Variants in SORCS2 observed in about 807,000 individuals in gnomAD.
SORCS2 encodes VPS10 domain-containing receptor SorCS2.
In SORCS2, 100 loss-of-function variants were observed where a neutral mutation model predicts 141.6. The ratio of observed to expected loss-of-function variants is 0.71; its 90% confidence interval spans 0.60 to 0.83. The LOEUF (loss-of-function observed/expected upper bound fraction) is 0.83, where lower values mean the gene tolerates loss of function less well. SORCS2 is among the 40% of genes least tolerant of loss of function. The probability of loss-of-function intolerance (pLI) is 0.00; values close to 1 mark genes in which losing one functional copy is unlikely to be tolerated. For missense variants in SORCS2, 1,646 were observed against 1,560.2 expected (o/e 1.05, Z -0.93); for synonymous variants, 789 against 676.9 (o/e 1.17, Z -2.57).
chr4:7,374,830 G>A (rs1234237402), intron 1 of SORCS2, among the ~76,000 whole-genome samples: 2 of 152,162 alleles, frequency 1.3e-5, no homozygotes, highest in African/African-American at 2.4e-5. Context: ...GGTAGACCGC[G>A]GGTGGGGGGA....
chr4:7,381,361 G>T (rs1253679676), intron 1 of SORCS2, among the ~76,000 whole-genome samples: 2 of 152,160 alleles, frequency 1.3e-5, no homozygotes, highest in African/African-American at 4.8e-5. Context: ...AGAGCTGGAG[G>T]GTGCTTCCCC....
intron 1 of SORCS2, among the ~76,000 whole-genome samples, chr4:7,266,435 G>A (rs552497640): frequency 3.6e-4 from 55 of 152,276 alleles, no homozygotes; most frequent in Middle Eastern, 3.4e-3. Context: ...CAGGAGACCC[G>A]TTGAACACCT....
chr4:7,494,705 A>G (rs1466048343), intron 2 of SORCS2, among the ~76,000 whole-genome samples: 1 of 152,242 alleles, frequency 6.6e-6, no homozygotes, highest in Non-Finnish European at 1.5e-5. Flanking sequence ...CAGTCCATGA[A>G]ACAGGGAACA....
intron 1 of SORCS2, among the ~76,000 whole-genome samples, chr4:7,369,759 A>T (rs935506466): frequency 1.3e-5 from 2 of 152,176 alleles, no homozygotes; most frequent in Non-Finnish European, 2.9e-5. Context: ...CCCGTGGAGC[A>T]GATCCACCCG....
chr4:7,705,761 G>A (rs970042845), intron 14 of SORCS2, among the ~76,000 whole-genome samples: 1 of 152,202 alleles, frequency 6.6e-6, no homozygotes, highest in Non-Finnish European at 1.5e-5. Context: ...TCACACCCTC[G>A]ACCCTGAGTG....
At chr4:7,515,687 G>A (rs556066983) in intron 2 of SORCS2, among the ~76,000 whole-genome samples, 6 of 152,190 alleles carry the variant, frequency 3.9e-5, no homozygotes, top group South Asian at 2.1e-4. Flanking sequence ...CAGCATTCAC[G>A]GACCAGTTTC....
At chr4:7,371,182 C>A (rs1247383810) in intron 1 of SORCS2, among the ~76,000 whole-genome samples, 4 of 152,206 alleles carry the variant, frequency 2.6e-5, no homozygotes, top group Admixed American at 6.5e-5. Flanking sequence ...TCCCCCTCAA[C>A]CTGCTGCATT....
At position 7,559,547 on chromosome 4, in the gene SORCS2, C is replaced by T. The variant is rs143082932; in HGVS notation, c.648+27918C>T. On this transcript the variant is annotated intron_variant, in intron 3 of 26. Coordinates refer to ENST00000507866, the MANE Select transcript of SORCS2 (RefSeq NM_020777.3). Reference sequence around the variant, plus strand: ...CTAGGGAGTGGTGCCAGCGGGGGCCCAGGTTAGGCAGTCCTGACCTGTATC... The same window carrying T: ...CTAGGGAGTGGTGCCAGCGGGGGCCTAGGTTAGGCAGTCCTGACCTGTATC... Among the ~76,000 whole-genome samples the T allele has an allele frequency of 9.8e-3, 1,488 of 152,194 alleles. 21 individuals are homozygous for T. Among genetic ancestry groups the T allele is most frequent in the African/African-American group, 0.028 (1,160 of 41,520 alleles).
At chr4:7,206,307 G>A (rs562586283) in intron 1 of SORCS2, among the ~76,000 whole-genome samples, 11 of 152,284 alleles carry the variant, frequency 7.2e-5, no homozygotes, top group African/African-American at 2.6e-4. Flanking sequence ...CCAAGCGCCT[G>A]GTGCTTAGTA....
chr4:7,657,519 C>T (rs1233895844), intron 5 of SORCS2, among the ~76,000 whole-genome samples: 1 of 151,808 alleles, frequency 6.6e-6, no homozygotes, highest in East Asian at 1.9e-4. Flanking sequence ...GAGTAAATAG[C>T]TGAGTGTGAT....
At chr4:7,302,769 A>ATGTGTGTGTGTGTGTGTG (rs138338129) in intron 1 of SORCS2, among the ~76,000 whole-genome samples, 144 of 145,896 alleles carry the variant, frequency 9.9e-4, no homozygotes, top group Admixed American at 3.5e-3. Context: ...CAGTCCACAT[A>ATGTGTGTGTGTGTGTGTG]TGTGTGTGTG....
chr4:7,271,808 ATGC>A (rs1715148988), intron 1 of SORCS2, among the ~76,000 whole-genome samples: 1 of 152,230 alleles, frequency 6.6e-6, no homozygotes, highest in Non-Finnish European at 1.5e-5. Context: ...AGTACGGCCT[ATGC>A]CGGGGCCCGA....
intron 4 of SORCS2, among the ~76,000 whole-genome samples, chr4:7,650,297 C>G (rs1241910178): frequency 1.3e-5 from 2 of 152,176 alleles, no homozygotes; most frequent in Non-Finnish European, 2.9e-5. Flanking sequence ...GCAAAGGGCC[C>G]GGCTGGTGCT....
rs778116546 is a variant in SORCS2, at chr4:7,433,551, G to C, written c.548+37196G>C. ...TCTCAATGAGCACGGGCTCGTACTG[G>C]GTGACGAAGTGCTTGCACTGGATCA... is the stretch of plus-strand genomic sequence containing the variant. On this transcript the variant is annotated intron_variant, in intron 2 of 26. Transcript: ENST00000507866. 4 of 1,610,804 alleles carry C rather than the reference G, an allele frequency of 2.5e-6. No individual in the cohort carries two copies. The East Asian group carries it at 8.9e-5, about 36-fold the overall frequency.
At chr4:7,372,178 A>ATGCG (rs1722299040) in intron 1 of SORCS2, among the ~76,000 whole-genome samples, 2 of 152,170 alleles carry the variant, frequency 1.3e-5, no homozygotes, top group Admixed American at 1.3e-4. Context: ...TGTGTGGATG[A>ATGCG]TGCGTGTGAA....
intron 1 of SORCS2, among the ~76,000 whole-genome samples, chr4:7,284,367 ACCT>A (rs1476115601): frequency 1.3e-5 from 2 of 151,724 alleles, no homozygotes; most frequent in African/African-American, 4.9e-5. Context: ...CACTTTATCA[ACCT>A]CCCTGAGCCT....
intron 1 of SORCS2, among the ~76,000 whole-genome samples, chr4:7,322,660 A>G (rs1055090880): frequency 2.0e-5 from 3 of 152,212 alleles, no homozygotes; most frequent in African/African-American, 7.2e-5. Context: ...CAGCCGCTCA[A>G]GAGTCTCAGC....
chr4:7,238,133 G>A (rs1560132074), intron 1 of SORCS2, among the ~76,000 whole-genome samples: 1 of 152,208 alleles, frequency 6.6e-6, no homozygotes, highest in Non-Finnish European at 1.5e-5. Flanking sequence ...GGCCACGTTT[G>A]CAGAGGCCGA....
intron 1 of SORCS2, among the ~76,000 whole-genome samples, chr4:7,329,759 G>T (rs1719525614): frequency 6.6e-6 from 1 of 152,208 alleles, no homozygotes; most frequent in Non-Finnish European, 1.5e-5. Flanking sequence ...CAGTGTGAAA[G>T]TGACATCCAT....
Sources: gnomAD v4.1 joint callset for allele counts (sites outside exome capture counted in the v4.1 genomes callset) on GRCh38, gnomAD v4.1.1 for gene constraint, MANE v1.5 for transcripts, NCBI Gene and HGNC (gene_info 2026-07-23, HGNC 2026-07-21) for gene names.